WDR41: variants seen among roughly 807,000 people sequenced by gnomAD.
WDR41 encodes WD repeat-containing protein 41.
Under a neutral mutation model 69.3 loss-of-function variants are expected in WDR41, and 63 were observed. The observed-to-expected ratio is 0.91, with a 90% CI of 0.74 to 1.12. WDR41 has a LOEUF of 1.12. WDR41 is among the 50% of genes most tolerant of loss of function. The pLI is 0.00. For missense variants in WDR41, 543 were observed against 534.5 expected, an observed-to-expected ratio of 1.02 and a Z score of -0.16; for synonymous variants, 185 against 192.1, an observed-to-expected ratio of 0.96 and a Z score of 0.31.
intron 4 of WDR41, among the ~76,000 whole-genome samples, chr5:77,461,514 C>A (rs445235): frequency 0.5 from 76,354 of 151,672 alleles, 19,954 homozygotes; most frequent in African/African-American, 0.64. Flanking sequence ...AAAGTGTTTA[C>A]ACAGAACTTT....
chr5:77,451,254 G>A (rs1365501876), intron 7 of WDR41, 37 bp downstream of exon 7: 25 of 1,601,206 alleles, frequency 1.6e-5, no homozygotes, highest in Middle Eastern at 1.7e-4. Flanking sequence ...TACAATTCTC[G>A]TTCAAAATAC....
At chr5:77,599,956 G>T (rs1249907156) in intron 1 of WDR41, among the ~76,000 whole-genome samples, 1 of 152,186 alleles carries the variant, frequency 6.6e-6, no homozygotes, top group Non-Finnish European at 1.5e-5. Context: ...AGTTCATCGA[G>T]AAACTCCAAG....
At chr5:77,476,736 C>A (rs1581745996) in intron 2 of WDR41, among the ~76,000 whole-genome samples, 1 of 150,878 alleles carries the variant, frequency 6.6e-6, no homozygotes, top group East Asian at 2.0e-4. Context: ...AATGTAAAGA[C>A]CATCGAGACT....
At chr5:77,526,394 T>C (rs1310237605) in intron 1 of WDR41, among the ~76,000 whole-genome samples, 1 of 152,130 alleles carries the variant, frequency 6.6e-6, no homozygotes, top group East Asian at 1.9e-4. Context: ...TGTTCAAGTT[T>C]CCTTATTTGT....
intron 5 of WDR41, among the ~76,000 whole-genome samples, chr5:77,455,730 T>C (rs1005892974): frequency 2.6e-5 from 4 of 152,230 alleles, no homozygotes; most frequent in Admixed American, 2.6e-4. Flanking sequence ...TAAAGGTTCT[T>C]GGCGCTCTTG....
At chr5:77,515,197 G>A (rs1802275278) in intron 1 of WDR41, among the ~76,000 whole-genome samples, 1 of 151,956 alleles carries the variant, frequency 6.6e-6, no homozygotes, top group African/African-American at 2.4e-5. Flanking sequence ...GTACAAAAAT[G>A]TTTTCTTTAT....
intron 1 of WDR41, among the ~76,000 whole-genome samples, chr5:77,606,905 G>GAAAAAAA (rs1195622632): frequency 2.1e-4 from 18 of 85,666 alleles, no homozygotes; most frequent in Admixed American, 4.0e-4. Context: ...CAATGAAAAA[G>GAAAAAAA]AAAAAAAAAA....
At chr5:77,556,893 A>G (rs1269562684) in intron 1 of WDR41, among the ~76,000 whole-genome samples, 2 of 152,146 alleles carry the variant, frequency 1.3e-5, no homozygotes, top group African/African-American at 4.8e-5. Flanking sequence ...GGCCAGTATG[A>G]GGGATGATTT....
chr5:77,505,412 T>C (rs1269060628), intron 1 of WDR41, among the ~76,000 whole-genome samples: 1 of 152,216 alleles, frequency 6.6e-6, no homozygotes, highest in Non-Finnish European at 1.5e-5. Flanking sequence ...TCCATGCTCA[T>C]GGGTAGGAAG....
chr5:77,523,194 A>T (rs911790239), intron 1 of WDR41, among the ~76,000 whole-genome samples: 1 of 151,790 alleles, frequency 6.6e-6, no homozygotes, highest in African/African-American at 2.4e-5. Flanking sequence ...CACGCCTGTA[A>T]TCCCAGCTGC....
intron 6 of WDR41, chr5:77,452,218 T>G (rs963391824): frequency 1.3e-5 from 2 of 152,180 alleles, no homozygotes; most frequent in African/African-American, 4.8e-5. Flanking sequence ...TTTTCCCATG[T>G]ACAAGAAGGA....
At chr5:77,501,211 C>T (rs1309360175) in intron 1 of WDR41, among the ~76,000 whole-genome samples, 1 of 152,272 alleles carries the variant, frequency 6.6e-6, no homozygotes, top group Non-Finnish European at 1.5e-5. Flanking sequence ...CACTGGCAGA[C>T]CAGGAGATTC....
At chr5:77,529,732 G>T (rs1802499378) in intron 1 of WDR41, among the ~76,000 whole-genome samples, 2 of 151,428 alleles carry the variant, frequency 1.3e-5, no homozygotes, top group Admixed American at 6.6e-5. Flanking sequence ...ATGAATACAT[G>T]GTTTATGAAA....
intron 1 of WDR41, among the ~76,000 whole-genome samples, chr5:77,614,659 G>T (rs1744641368): frequency 7.9e-6 from 1 of 126,526 alleles, no homozygotes; most frequent in African/African-American, 2.9e-5. Context: ...GGTGGGGGGG[G>T]AGGGGGGAGG....
At chr5:77,598,644 C>CTTTT (rs765785617) in intron 1 of WDR41, among the ~76,000 whole-genome samples, 22 of 121,350 alleles carry the variant, frequency 1.8e-4, no homozygotes, top group African/African-American at 3.8e-4. Context: ...AGTAAGTTTC[C>CTTTT]TTTTTTTTTT....
At chr5:77,462,929 A>G (rs1399382491) in intron 4 of WDR41, among the ~76,000 whole-genome samples, 166 bp downstream of exon 4, 1 of 152,182 alleles carries the variant, frequency 6.6e-6, no homozygotes, top group Non-Finnish European at 1.5e-5. Flanking sequence ...CCAGTCTAAT[A>G]CTTTTCAGAT....
At chr5:77,499,425 C>G (rs1388154741) in intron 1 of WDR41, 10 of 152,196 alleles carry the variant, frequency 6.6e-5, no homozygotes, top group Admixed American at 4.6e-4. Flanking sequence ...TGTCCATTCT[C>G]TTATGCCTCA....
rs1466120592 is a variant in WDR41, at chr5:77,492,185, C to T, written c.36G>A (p.Pro12=). Residue 12 remains proline (P), a synonymous_variant, in exon 1 of 13, where the codon CCG becomes CCA. Transcript: ENST00000296679. ...CGGGGTTTACCTCGGCCAGTCCCTG[C>T]GGTTCTCGGCCTCCCCCGATCAGCC... ...LRWLIGGGRE[P]QGLAEKSPLQ... The T allele has an allele frequency of 1.2e-6, 2 of 1,612,290 alleles. No individual in the cohort carries two copies. The highest frequency in any genetic ancestry group is 1.7e-5 in the Admixed American group (1 of 59,800).
intron 1 of WDR41, among the ~76,000 whole-genome samples, chr5:77,571,540 C>T (rs533425310): frequency 6.6e-6 from 1 of 152,256 alleles, no homozygotes; most frequent in South Asian, 2.1e-4. Context: ...CCTCAGCTAG[C>T]CTCAAGCATA....
Sources: gnomAD v4.1 joint callset for allele counts (sites outside exome capture counted in the v4.1 genomes callset) on GRCh38, gnomAD v4.1.1 for gene constraint, MANE v1.5 for transcripts, NCBI Gene and HGNC (gene_info 2026-07-23, HGNC 2026-07-21) for gene names.